RAB11FIP4: variants seen among roughly 807,000 people sequenced by gnomAD.
RAB11FIP4 encodes RAB11 family interacting protein 4, also known as rab11 family-interacting protein 4.
RAB11FIP4 carries 23 observed loss-of-function variants against 74.3 expected under a neutral mutation model. The ratio of observed to expected loss-of-function variants is 0.31; its 90% confidence interval spans 0.22 to 0.44. RAB11FIP4 has a LOEUF of 0.44. Among genes scored for constraint, RAB11FIP4 ranks in the 20% least tolerant of loss-of-function variants. RAB11FIP4 has a pLI of 1.00. For synonymous variants in RAB11FIP4, 360 were observed against 359.9 expected (o/e 1.00, Z 0.00); for missense variants, 630 against 863.9 (o/e 0.73, Z 3.39).
intron 3 of RAB11FIP4, among the ~76,000 whole-genome samples, chr17:31,482,324 G>T (rs1490778037): frequency 6.6e-6 from 1 of 152,110 alleles, no homozygotes; most frequent in Non-Finnish European, 1.5e-5. Context: ...CAGGTGCGGT[G>T]GCTCACGCCT....
At chr17:31,392,098 G>C (rs2070878838) in intron 1 of RAB11FIP4, 87 bp downstream of exon 1, 3 of 957,260 alleles carry the variant, frequency 3.1e-6, no homozygotes, top group South Asian at 4.8e-5. Context: ...GGTCACCCGC[G>C]TGGCCCGAGG....
intron 3 of RAB11FIP4, among the ~76,000 whole-genome samples, chr17:31,511,435 C>A (rs1260660481): frequency 6.6e-6 from 1 of 152,210 alleles, no homozygotes; most frequent in Non-Finnish European, 1.5e-5. Context: ...GAGTCGGCAC[C>A]CAGGTCTCAG....
intron 1 of RAB11FIP4, among the ~76,000 whole-genome samples, chr17:31,402,780 C>T (rs913723797): frequency 4.6e-5 from 7 of 151,404 alleles, no homozygotes; most frequent in African/African-American, 1.5e-4. Flanking sequence ...CACCATCACT[C>T]CTGGCTAATT....
Position 31,512,183 on chromosome 17 carries a change from C to T in RAB11FIP4, c.337-5468C>T, listed in dbSNP as rs909264643. 6.6e-6 allele frequency among the ~76,000 whole-genome samples: 1 copy of T among 152,218 alleles called. No homozygotes were observed. The highest frequency in any genetic ancestry group is 1.5e-5 in the Non-Finnish European group (1 of 68,036). ...CATGGCTGTAGGAATAGCTCACCCT[C>T]TGTTGCCTGTAGCCCCTCGTGAGGC... is the stretch of plus-strand genomic sequence containing the variant. On this transcript the variant is annotated intron_variant, in intron 3 of 14. Coordinates refer to ENST00000621161, the MANE Select transcript of RAB11FIP4 (RefSeq NM_032932.6). The surrounding 1 kb of genome is among the most constrained non-coding windows in gnomAD (Gnocchi z 4.1).
At chr17:31,505,585 ATAAT>A (rs1432795328) in intron 3 of RAB11FIP4, among the ~76,000 whole-genome samples, 2 of 82,324 alleles carry the variant, frequency 2.4e-5, no homozygotes, top group Non-Finnish European at 4.4e-5. Context: ...ATATATAATA[ATAAT>A]TATATATTAT....
In RAB11FIP4 at chr17:31,523,548, T is replaced by C. The variant is rs1245731304; in HGVS notation, c.966T>C (p.Asn322=). 8 of 1,614,056 alleles carry C rather than the reference T, an allele frequency of 5.0e-6. No individual in the cohort carries two copies. In the South Asian group the frequency reaches 8.8e-5, roughly 18 times the overall value. ...LMHSSNFSSS[N]GSTEDLFRDS... The stretch of plus-strand genomic sequence containing the variant: ...ACAGCAGCAACTTCAGCAGCAGCAA[T>C]GGCAGCACCGAAGACCTGTTCCGGG... Residue 322 remains asparagine, a synonymous_variant, in exon 8 of 15, where the codon AAT becomes AAC. Coordinates refer to ENST00000621161, the MANE Select transcript of RAB11FIP4 (RefSeq NM_032932.6).
intron 3 of RAB11FIP4, among the ~76,000 whole-genome samples, chr17:31,514,264 A>G (rs2072505743): frequency 6.6e-6 from 1 of 152,166 alleles, no homozygotes; most frequent in Non-Finnish European, 1.5e-5. Flanking sequence ...TTCCACCTGC[A>G]TGTCATGAGC....
rs1281258984 is a variant in RAB11FIP4, at chr17:31,512,119, C to T, written c.337-5532C>T. Among the ~76,000 whole-genome samples the T allele has an allele frequency of 2.6e-5, 4 of 152,178 alleles. No homozygotes were observed. The highest frequency in any genetic ancestry group is 7.2e-5 in the African/African-American group (3 of 41,448). On this transcript the variant is annotated intron_variant, in intron 3 of 14. Transcript: ENST00000621161. The surrounding 1 kb of genome is among the most constrained non-coding windows in gnomAD (Gnocchi z 4.1). ...AGGGTGGGCGTCCCTCCTGGCTGCT[C>T]GTCTGTCCAGGACATTGCTGGCTGA...
intron 3 of RAB11FIP4, among the ~76,000 whole-genome samples, chr17:31,503,276 AC>A (rs1286795426): frequency 6.7e-6 from 1 of 149,348 alleles, no homozygotes; most frequent in Non-Finnish European, 1.5e-5. Context: ...CAAGTGATCC[AC>A]CCACCTCGAC....
intron 3 of RAB11FIP4, among the ~76,000 whole-genome samples, chr17:31,461,079 T>G (rs1276203706): frequency 1.1e-5 from 1 of 90,456 alleles, no homozygotes; most frequent in Non-Finnish European, 2.1e-5. Flanking sequence ...GCCCCCCAAA[T>G]CCACAGACCC....
intron 10 of RAB11FIP4, chr17:31,525,667 G>A (rs2072753617): frequency 1.1e-5 from 2 of 183,494 alleles, no homozygotes; most frequent in Non-Finnish European, 2.3e-5. Context: ...GGGACAAGGA[G>A]CAGCCCCGGG....
At chr17:31,447,084 A>G (rs1375787952) in intron 3 of RAB11FIP4, among the ~76,000 whole-genome samples, 2 of 152,184 alleles carry the variant, frequency 1.3e-5, no homozygotes, top group Admixed American at 6.5e-5. Context: ...GGAGATCGAG[A>G]CCATCCTGGC....
At chr17:31,480,793 C>CAAAAAAAAAAAAAAAAAAAA (rs36097331) in intron 3 of RAB11FIP4, among the ~76,000 whole-genome samples, 1 of 73,842 alleles carries the variant, frequency 1.4e-5, no homozygotes, top group Non-Finnish European at 2.6e-5. Context: ...GACTCCGTCT[C>CAAAAAAAAAAAAAAAAAAAA]AAAAAAAAAA....
chr17:31,402,869 C>T (rs1230455146), intron 1 of RAB11FIP4, among the ~76,000 whole-genome samples: 2 of 151,978 alleles, frequency 1.3e-5, no homozygotes, highest in Non-Finnish European at 2.9e-5. Flanking sequence ...TTGTGATCCA[C>T]CCGCCTTGGC....
At chr17:31,460,999 C>T (rs1698340734) in intron 3 of RAB11FIP4, among the ~76,000 whole-genome samples, 1 of 151,982 alleles carries the variant, frequency 6.6e-6, no homozygotes, top group Admixed American at 6.6e-5. Context: ...CCCTACCACC[C>T]ACAGCCTCCC....
intron 3 of RAB11FIP4, among the ~76,000 whole-genome samples, chr17:31,450,533 T>G (rs1263332872): frequency 6.6e-6 from 1 of 151,808 alleles, no homozygotes; most frequent in African/African-American, 2.4e-5. Context: ...TTGGTAGAGA[T>G]GGGGTTTCAC....
intron 3 of RAB11FIP4, chr17:31,488,404 G>T: frequency 1.0e-6 from 1 of 992,982 alleles, no homozygotes; most frequent in Non-Finnish European, 1.2e-6. Context: ...GAGCCATCTC[G>T]TTCGGCCGCG....
In RAB11FIP4 at chr17:31,517,660, G is replaced by A. The variant is rs1450226008; in HGVS notation, c.346G>A (p.Val116Ile). Residue 116 changes from valine to isoleucine, a missense_variant, in exon 4 of 15, where the codon GTC becomes ATC. Transcript: ENST00000621161. ...IPDCVEQGSE[V>I]TGPTFADGEL... ...GCTCTCTCTTTCCCAGGGCAGCGAG[G>A]TCACAGGCCCCACCTTTGCTGATGG... 1 of 1,603,744 alleles carries A rather than the reference G, an allele frequency of 6.2e-7. No homozygotes were observed. Among genetic ancestry groups the A allele is most frequent in the South Asian group, 1.1e-5 (1 of 88,226 alleles).
At chr17:31,457,233 G>A (rs1354697368) in intron 3 of RAB11FIP4, among the ~76,000 whole-genome samples, 1 of 152,096 alleles carries the variant, frequency 6.6e-6, no homozygotes, top group Non-Finnish European at 1.5e-5. Context: ...GTTCTCCTGG[G>A]GGACGAGGAC....
Sources: gnomAD v4.1 joint callset for allele counts (sites outside exome capture counted in the v4.1 genomes callset) on GRCh38, gnomAD v4.1.1 for gene constraint, Gnocchi (gnomAD v3.1) non-coding constraint, MANE v1.5 for transcripts, NCBI Gene and HGNC (gene_info 2026-07-23, HGNC 2026-07-21) for gene names.